The following DLGAP2 variants were observed in gnomAD, a reference collection of about 807,000 sequenced individuals.
DLGAP2 encodes DLG associated protein 2, also known as disks large-associated protein 2.
DLGAP2 carries 26 observed loss-of-function variants against 100.3 expected under a neutral mutation model. The ratio of observed to expected loss-of-function variants is 0.26; its 90% CI spans 0.19 to 0.36. DLGAP2 has a LOEUF of 0.36. Among genes scored for constraint, DLGAP2 ranks in the 10% least tolerant of loss-of-function variants. DLGAP2 has a pLI of 1.00. For missense variants in DLGAP2, 1,858 were observed against 1,453.2 expected (o/e 1.28, Z -4.53); for synonymous variants, 886 against 630.1 (o/e 1.41, Z -6.08).
At chr8:1,258,823 A>G in intron 2 of DLGAP2, 28 bp from the exon 3 acceptor site, 1 of 1,231,678 alleles carries the variant, frequency 8.1e-7, no homozygotes, top group Non-Finnish European at 1.0e-6. Flanking sequence ...CTGTGGGTGT[A>G]ACAGCTTCTC....
chr8:1,476,663 T>TAG (rs1798938524), intron 3 of DLGAP2, among the ~76,000 whole-genome samples: 2 of 152,114 alleles, frequency 1.3e-5, no homozygotes, highest in Admixed American at 6.5e-5. Flanking sequence ...GGCTGACTGC[T>TAG]GTTGGCCAAC....
At chr8:1,292,461 C>G (rs1314702221) in intron 3 of DLGAP2, among the ~76,000 whole-genome samples, 3 of 152,166 alleles carry the variant, frequency 2.0e-5, no homozygotes. Context: ...TGTGTGTGAT[C>G]AACTTGACTT....
intron 3 of DLGAP2, among the ~76,000 whole-genome samples, chr8:1,415,066 C>T (rs1008279334): frequency 2.0e-5 from 3 of 152,176 alleles, no homozygotes; most frequent in African/African-American, 7.2e-5. Context: ...TTATACTTGT[C>T]CAGCCTTTGG....
intron 3 of DLGAP2, among the ~76,000 whole-genome samples, chr8:1,410,938 A>G (rs1473921189): frequency 6.6e-6 from 1 of 151,778 alleles, no homozygotes; most frequent in Non-Finnish European, 1.5e-5. Flanking sequence ...TCTATTTAAG[A>G]GATTGTAATC....
At position 1,192,967 on chromosome 8, in the gene DLGAP2, C is replaced by T. The variant is rs933151746; in HGVS notation, c.74-65884C>T. Among the ~76,000 whole-genome samples, 75 of 152,142 alleles carry T rather than the reference C, an allele frequency of 4.9e-4. 1 individual carries two copies. Among genetic ancestry groups the T allele is most frequent in the African/African-American group, 1.6e-3 (68 of 41,488 alleles). On this transcript the variant is annotated intron_variant, in intron 2 of 14. Transcript: ENST00000637795. Reference sequence around the variant, plus strand: ...GATAGTTTGCTGAGAATGATGGTTTCCAGCTTCATCCATGTCCTTACAAAG... The same window carrying T: ...GATAGTTTGCTGAGAATGATGGTTTTCAGCTTCATCCATGTCCTTACAAAG...
chr8:1,207,070 G>A (rs765254982), intron 2 of DLGAP2, among the ~76,000 whole-genome samples: 15 of 152,150 alleles, frequency 9.9e-5, no homozygotes, highest in Non-Finnish European at 1.6e-4. Context: ...CCTTCACAGT[G>A]TTACCTAAAT....
chr8:1,221,713 C>G (rs559948817), intron 2 of DLGAP2, among the ~76,000 whole-genome samples: 54 of 152,306 alleles, frequency 3.5e-4, no homozygotes, highest in Non-Finnish European at 7.2e-4. Flanking sequence ...TGCTGTCACT[C>G]CACCTCTTTC....
intron 1 of DLGAP2, among the ~76,000 whole-genome samples, chr8:837,021 A>G (rs1796891057): frequency 6.6e-6 from 1 of 152,230 alleles, no homozygotes; most frequent in Non-Finnish European, 1.5e-5. Context: ...ATGGTTAGAA[A>G]CACAGATTCT....
At chr8:1,448,229 G>A (rs948326424) in intron 3 of DLGAP2, among the ~76,000 whole-genome samples, 1 of 151,840 alleles carries the variant, frequency 6.6e-6, no homozygotes, top group African/African-American at 2.4e-5. Flanking sequence ...CATTTAGTGC[G>A]GTAAATTTCC....
At chr8:1,457,406 C>T (rs767035954) in intron 3 of DLGAP2, among the ~76,000 whole-genome samples, 5 of 152,100 alleles carry the variant, frequency 3.3e-5, no homozygotes, top group Non-Finnish European at 5.9e-5. Context: ...GCTGTGTATG[C>T]CGTAAGAAAT....
At chr8:1,192,884 C>G (rs1797670558) in intron 2 of DLGAP2, among the ~76,000 whole-genome samples, 1 of 151,504 alleles carries the variant, frequency 6.6e-6, no homozygotes, top group African/African-American at 2.4e-5. Context: ...CAAGTGATTT[C>G]ATTGTTCACT....
chr8:1,563,371 G>T (rs182715550), intron 5 of DLGAP2, among the ~76,000 whole-genome samples: 1 of 36,844 alleles, frequency 2.7e-5, no homozygotes, highest in African/African-American at 1.0e-4. Flanking sequence ...TTACTGGGGG[G>T]CTGTGTGGTG....
At chr8:1,497,635 C>A (rs1042564995) in intron 3 of DLGAP2, among the ~76,000 whole-genome samples, 7 of 152,190 alleles carry the variant, frequency 4.6e-5, no homozygotes, top group Non-Finnish European at 1.0e-4. Flanking sequence ...CCCATGCTGT[C>A]CCAGATGCGG....
At chr8:1,596,669 T>G (rs975632178) in intron 6 of DLGAP2, among the ~76,000 whole-genome samples, 1 of 152,252 alleles carries the variant, frequency 6.6e-6, no homozygotes, top group Non-Finnish European at 1.5e-5. Flanking sequence ...CATAAATGTC[T>G]TCTTCTGAGA....
At chr8:1,390,015 G>T (rs2129806165) in intron 3 of DLGAP2, among the ~76,000 whole-genome samples, 1 of 152,188 alleles carries the variant, frequency 6.6e-6, no homozygotes, top group South Asian at 2.1e-4. Flanking sequence ...GAGTGTGTCT[G>T]GATGGATGTT....
intron 8 of DLGAP2, among the ~76,000 whole-genome samples, chr8:1,641,098 G>A (rs981524720): frequency 2.6e-5 from 4 of 152,260 alleles, no homozygotes; most frequent in South Asian, 2.1e-4. Flanking sequence ...AGGAGCCCCT[G>A]GTCTGTGCTG....
intron 2 of DLGAP2, among the ~76,000 whole-genome samples, chr8:921,104 C>T (rs951458657): frequency 2.0e-5 from 3 of 152,230 alleles, no homozygotes; most frequent in Non-Finnish European, 4.4e-5. Context: ...TGTCTTCCTT[C>T]TTTAACTCAC....
In DLGAP2 at chr8:1,549,698, G is replaced by A. The variant is rs1264102345; in HGVS notation, c.1230+15G>A. ...ACTACCTCCAGGTAAGCAGGCTCAC[G>A]GCCCTGTGGAGGCCGTCTCGGCACA... is the stretch of plus-strand genomic sequence containing the variant. On this transcript the variant is annotated intron_variant, in intron 5 of 14. Coordinates refer to ENST00000637795, the MANE Select transcript of DLGAP2 (RefSeq NM_001346810.2). 2 of 1,526,674 alleles carry A rather than the reference G, an allele frequency of 1.3e-6. No individual in the cohort carries two copies. Among genetic ancestry groups the A allele is most frequent in the East Asian group, 2.5e-5 (1 of 40,626 alleles). The allele number at this position is 1,526,674 out of a possible 1,614,324, so 94.6% of individuals were successfully genotyped here.
At chr8:1,229,991 A>G (rs763039040) in intron 2 of DLGAP2, among the ~76,000 whole-genome samples, 11 of 152,318 alleles carry the variant, frequency 7.2e-5, no homozygotes, top group African/African-American at 2.2e-4. Context: ...CACCACTCCT[A>G]TTCAACATAG....
Sources: gnomAD v4.1 joint callset for allele counts (sites outside exome capture counted in the v4.1 genomes callset) on GRCh38, gnomAD v4.1.1 for gene constraint, MANE v1.5 for transcripts, NCBI Gene and HGNC (gene_info 2026-07-23, HGNC 2026-07-21) for gene names.